CCSER2: variants seen among roughly 807,000 people sequenced by gnomAD.
CCSER2 encodes the protein coiled-coil serine rich protein 2.
Under a neutral mutation model 92.3 loss-of-function variants are expected in CCSER2, and 46 were observed. The ratio of observed to expected loss-of-function variants is 0.50; its 90% confidence interval spans 0.39 to 0.64. The LOEUF is 0.64. CCSER2 is among the 30% of genes least tolerant of loss of function. CCSER2 has a pLI of 0.00. For synonymous variants in CCSER2, 433 were observed against 431.4 expected, an observed-to-expected ratio of 1.00 and a Z score of -0.04; for missense variants, 1,244 against 1,238.9, an observed-to-expected ratio of 1.00 and a Z score of -0.06.
At chr10:84,408,380 G>T (rs1842474032) in intron 3 of CCSER2, among the ~76,000 whole-genome samples, 2 of 152,076 alleles carry the variant, frequency 1.3e-5, no homozygotes, top group African/African-American at 4.8e-5. Flanking sequence ...CATAAATAAG[G>T]ATTTATTTAT....
intron 3 of CCSER2, among the ~76,000 whole-genome samples, chr10:84,393,114 AT>A (rs1370307736): frequency 6.6e-6 from 1 of 152,048 alleles, no homozygotes; most frequent in East Asian, 1.9e-4. Context: ...TTTTATTTTC[AT>A]TAAGAATATA....
At chr10:84,459,536 A>G (rs1845974651) in intron 6 of CCSER2, among the ~76,000 whole-genome samples, 1 of 150,740 alleles carries the variant, frequency 6.6e-6, no homozygotes, top group Non-Finnish European at 1.5e-5. Flanking sequence ...TTTGGGGGGG[A>G]ATCAGAGACA....
intron 9 of CCSER2, among the ~76,000 whole-genome samples, chr10:84,512,367 AGTGTGTGTGTGT>A (rs141667701): frequency 2.1e-5 from 3 of 139,656 alleles, no homozygotes; most frequent in East Asian, 2.1e-4. Flanking sequence ...TTATTTAAAC[AGTGTGTGTGTGT>A]GTGTGTGTGT....
chr10:84,441,740 T>G (rs1373957470), intron 6 of CCSER2, among the ~76,000 whole-genome samples: 4 of 12,680 alleles, frequency 3.2e-4, no homozygotes, highest in Admixed American at 8.4e-4. Flanking sequence ...GAAAATGTTT[T>G]TTTTTTTTTT....
rs1401635246 is a variant in CCSER2 at position 84,332,436 on chromosome 10, A to ATATATATT, written c.-40+3629_-40+3630insATATATTT. Among the ~76,000 whole-genome samples, 256 of 55,194 alleles carry ATATATATT rather than the reference A, an allele frequency of 4.6e-3. 5 individuals carry two copies. The highest frequency in any genetic ancestry group is 0.029 in the African/African-American group (248 of 8,684). 36.2% of individuals were successfully genotyped at this position (55,194 alleles called of 152,430 possible). On this transcript the variant is annotated intron_variant, in intron 1 of 9. Transcript: ENST00000372088. ...TTTATATATATATATATATATATAT[A>ATATATATT]TTTTTTTTTTTTTTTTTTTTTGAGA... is the stretch of plus-strand genomic sequence containing the variant.
intron 1 of CCSER2, among the ~76,000 whole-genome samples, chr10:84,330,377 T>G (rs1235711111): frequency 6.6e-6 from 1 of 152,226 alleles, no homozygotes; most frequent in Non-Finnish European, 1.5e-5. Context: ...TTGAAGACCT[T>G]ACGAAAGTAG....
intron 6 of CCSER2, among the ~76,000 whole-genome samples, chr10:84,445,217 A>G (rs557057474): frequency 6.6e-6 from 1 of 151,994 alleles, no homozygotes; most frequent in Admixed American, 6.6e-5. Flanking sequence ...GCAGTGGTGC[A>G]GTCTCGGCTC....
At chr10:84,512,416 G>GAGAGAGAGAGGGGGAGGA in intron 9 of CCSER2, among the ~76,000 whole-genome samples, 1 of 112,142 alleles carries the variant, frequency 8.9e-6, no homozygotes, top group Non-Finnish European at 2.1e-5. Flanking sequence ...GAGAGAGAGA[G>GAGAGAGAGAGGGGGAGGA]GAGAGAGATA....
chr10:84,467,823 C>G (rs1172757084), intron 7 of CCSER2, among the ~76,000 whole-genome samples: 2 of 152,212 alleles, frequency 1.3e-5, no homozygotes, highest in Non-Finnish European at 2.9e-5. Flanking sequence ...TTCTCACATG[C>G]AGTGAATTGC....
intron 6 of CCSER2, among the ~76,000 whole-genome samples, chr10:84,444,017 G>A (rs936553479): frequency 1.3e-5 from 2 of 152,108 alleles, no homozygotes; most frequent in African/African-American, 2.4e-5. Context: ...GGGGAGGATA[G>A]CATTAGGAGA....
intron 9 of CCSER2, among the ~76,000 whole-genome samples, chr10:84,481,720 A>T (rs760114021): frequency 8.5e-5 from 13 of 152,248 alleles, no homozygotes; most frequent in Non-Finnish European, 1.9e-4. Context: ...TGAGGACCAG[A>T]GTGTGAAGCA....
intron 6 of CCSER2, 64 bp from the exon 7 acceptor site, chr10:84,463,869 G>A: frequency 1.8e-6 from 2 of 1,130,394 alleles, no homozygotes; most frequent in Non-Finnish European, 2.7e-6. Context: ...GGTAAATTCA[G>A]GTTGAACTGA....
chr10:84,429,185 G>A lies in CCSER2; in HGVS notation c.1868+3292G>A, dbSNP rs149878013. ...TTGTGAATTCTTCTTTGAATGTTTT[G>A]TAGTATTGACCAGTGGAGTTATTTG... On this transcript the variant is annotated intron_variant, in intron 5 of 9. Coordinates refer to ENST00000372088, the MANE Select transcript of CCSER2 (RefSeq NM_001284240.2). Among the ~76,000 whole-genome samples, 380 of 152,056 alleles carry A rather than the reference G, an allele frequency of 2.5e-3. 1 individual carries two copies. Among genetic ancestry groups the A allele is most frequent in the African/African-American group, 8.4e-3 (349 of 41,444 alleles).
rs368638664 is a variant in CCSER2 at position 84,507,984 on chromosome 10, G to A, written c.2326-5465G>A. Among the ~76,000 whole-genome samples, 15 of 152,262 alleles carry A rather than the reference G, an allele frequency of 9.9e-5. No homozygotes were observed. The East Asian group carries it at 1.7e-3, about 18-fold the overall frequency. On this transcript the variant is annotated intron_variant, in intron 9 of 9. Transcript: ENST00000372088. ...AATATTGGTATTATATCTGCCTGTAGTGTTTTAAAATATATTAAAATAATC... is the reference window on the plus strand; with the variant it reads ...AATATTGGTATTATATCTGCCTGTAATGTTTTAAAATATATTAAAATAATC...
intron 9 of CCSER2, among the ~76,000 whole-genome samples, chr10:84,478,080 T>C (rs1847258954): frequency 6.6e-6 from 1 of 152,206 alleles, no homozygotes; most frequent in Non-Finnish European, 1.5e-5. Flanking sequence ...ATGTTTATTA[T>C]AATTACTCAA....
At chr10:84,377,336 A>G (rs1300136514) in intron 3 of CCSER2, among the ~76,000 whole-genome samples, 2 of 152,236 alleles carry the variant, frequency 1.3e-5, no homozygotes, top group African/African-American at 2.4e-5. Context: ...TTTTACCTGT[A>G]GGTCTCTAGT....
intron 6 of CCSER2, among the ~76,000 whole-genome samples, chr10:84,443,814 A>C (rs1844735779): frequency 6.6e-6 from 1 of 152,198 alleles, no homozygotes; most frequent in Admixed American, 6.5e-5. Flanking sequence ...GTGCAGCCAC[A>C]AAAAAGGATG....
intron 3 of CCSER2, among the ~76,000 whole-genome samples, chr10:84,399,478 C>T (rs1259605782): frequency 1.3e-5 from 2 of 152,044 alleles, no homozygotes; most frequent in African/African-American, 2.4e-5. Context: ...CAATAAGAGT[C>T]GGAGATAGGA....
intron 3 of CCSER2, among the ~76,000 whole-genome samples, chr10:84,396,923 G>A (rs922635452): frequency 6.6e-6 from 1 of 152,114 alleles, no homozygotes; most frequent in Non-Finnish European, 1.5e-5. Context: ...CCCAACAATG[G>A]GCATCAAGAT....
Sources: gnomAD v4.1 joint callset for allele counts (sites outside exome capture counted in the v4.1 genomes callset) on GRCh38, gnomAD v4.1.1 for gene constraint, MANE v1.5 for transcripts, NCBI Gene and HGNC (gene_info 2026-07-23, HGNC 2026-07-21) for gene names.